Variants in DNAJC1 observed in about 807,000 individuals in gnomAD.
DNAJC1 encodes dnaJ homolog subfamily C member 1.
In DNAJC1, 58 loss-of-function variants were observed where a neutral mutation model predicts 76.6. The observed-to-expected ratio is 0.76, with a 90% CI of 0.61 to 0.94. DNAJC1 has a LOEUF of 0.94. Among genes scored for constraint, DNAJC1 ranks in the 40% least tolerant of loss-of-function variants. The probability of loss-of-function intolerance (pLI) is 0.00; values close to 1 mark genes in which losing one functional copy is unlikely to be tolerated. For synonymous variants in DNAJC1, 258 were observed against 267.9 expected (o/e 0.96, Z 0.36); for missense variants, 689 against 677.3 (o/e 1.02, Z -0.19).
At chr10:21,810,692 C>T (rs1213541882) in intron 8 of DNAJC1, among the ~76,000 whole-genome samples, 2 of 152,092 alleles carry the variant, frequency 1.3e-5, no homozygotes, top group East Asian at 3.9e-4. Flanking sequence ...TATACAAGAC[C>T]TATTTAGAAA....
At chr10:21,787,284 T>A (rs1006044824) in intron 9 of DNAJC1, among the ~76,000 whole-genome samples, 12 of 151,118 alleles carry the variant, frequency 7.9e-5, no homozygotes, top group African/African-American at 2.9e-4. Flanking sequence ...GCAGAGATCA[T>A]GCCATTGCAC....
Position 21,834,389 on chromosome 10 carries a change from G to A in DNAJC1, c.979-28290C>T, listed in dbSNP as rs367872386. Among the ~76,000 whole-genome samples, 8 of 152,240 alleles carry A rather than the reference G, an allele frequency of 5.3e-5. No individual in the cohort carries two copies. In the East Asian group the frequency reaches 7.7e-4, roughly 15 times the overall value. On this transcript the variant is annotated intron_variant, in intron 8 of 11. Coordinates refer to ENST00000376980, the MANE Select transcript of DNAJC1 (RefSeq NM_022365.4). ...ACAGCTCTGGTCTACAGCTACCAGC[G>A]TGAGCAACGCAGAAGATGGGTGATT...
At chr10:21,891,476 C>CAAAAAAAAAAAAAAAA (rs369729722) in intron 7 of DNAJC1, among the ~76,000 whole-genome samples, 265 of 38,188 alleles carry the variant, frequency 6.9e-3, no homozygotes, top group East Asian at 0.013. Context: ...ACAAAGTAGA[C>CAAAAAAAAAAAAAAAA]AAAAAAAAAA....
At chr10:21,959,952 C>T (rs1175804377) in intron 1 of DNAJC1, among the ~76,000 whole-genome samples, 1 of 152,128 alleles carries the variant, frequency 6.6e-6, no homozygotes. Context: ...ATTAATAAGT[C>T]TTGTTGGGTC....
intron 1 of DNAJC1, among the ~76,000 whole-genome samples, chr10:21,997,385 C>T (rs1176194684): frequency 2.0e-5 from 3 of 152,210 alleles, no homozygotes; most frequent in East Asian, 1.9e-4. Flanking sequence ...GCCCTCTCCT[C>T]TACATTCTAG....
At chr10:21,798,393 A>C (rs1009090360) in intron 9 of DNAJC1, among the ~76,000 whole-genome samples, 1 of 152,092 alleles carries the variant, frequency 6.6e-6, no homozygotes, top group African/African-American at 2.4e-5. Context: ...CAAAATTTCC[A>C]CCTTGGCCAA....
intron 9 of DNAJC1, among the ~76,000 whole-genome samples, chr10:21,782,543 T>C (rs1420484118): frequency 1.3e-5 from 2 of 152,146 alleles, no homozygotes; most frequent in Non-Finnish European, 2.9e-5. Context: ...CCTCCCTAAC[T>C]CATTTTATGA....
intron 6 of DNAJC1, among the ~76,000 whole-genome samples, chr10:21,908,202 TATAAA>T (rs1836787480): frequency 1.1e-5 from 1 of 93,442 alleles, no homozygotes; most frequent in African/African-American, 4.6e-5. Flanking sequence ...ATATTATATA[TATAAA>T]ATATATATTA....
chr10:21,941,087 T>C (rs1304359991), intron 1 of DNAJC1, among the ~76,000 whole-genome samples: 1 of 46,596 alleles, frequency 2.1e-5, no homozygotes, highest in African/African-American at 9.1e-5. Flanking sequence ...CCGTCTCTAC[T>C]AAAAATACAA....
intron 8 of DNAJC1, among the ~76,000 whole-genome samples, chr10:21,875,529 G>T (rs1836173173): frequency 6.6e-6 from 1 of 152,194 alleles, no homozygotes; most frequent in Non-Finnish European, 1.5e-5. Flanking sequence ...GATTGGGAAT[G>T]AAACAAGGAT....
chr10:21,799,602 C>G (rs963351580), intron 9 of DNAJC1, among the ~76,000 whole-genome samples: 2 of 151,898 alleles, frequency 1.3e-5, no homozygotes, highest in Non-Finnish European at 2.9e-5. Flanking sequence ...TGCACTTTGC[C>G]TTTTTTTTCT....
At position 21,925,907 on chromosome 10, in the gene DNAJC1, T is replaced by C. The variant is rs1010833846; in HGVS notation, c.371+2599A>G. On this transcript the variant is annotated intron_variant, in intron 3 of 11. Coordinates refer to ENST00000376980, the MANE Select transcript of DNAJC1 (RefSeq NM_022365.4). ...ACTAAAAAGCACTTAACTGTACACT[T>C]AAAACAGGTGACTTTTATTGTATGC... is the stretch of plus-strand genomic sequence containing the variant. Among the ~76,000 whole-genome samples the C allele has an allele frequency of 5.9e-5, 9 of 152,214 alleles. No individual in the cohort carries two copies. The East Asian group carries it at 1.7e-3, about 29-fold the overall frequency.
intron 7 of DNAJC1, among the ~76,000 whole-genome samples, chr10:21,893,007 G>A (rs1836483105): frequency 6.6e-6 from 1 of 152,050 alleles, no homozygotes; most frequent in Non-Finnish European, 1.5e-5. Flanking sequence ...ACTCAACAAT[G>A]CCATCAGCCA....
chr10:21,942,395 C>T (rs1429535149), intron 1 of DNAJC1, among the ~76,000 whole-genome samples: 1 of 152,012 alleles, frequency 6.6e-6, no homozygotes, highest in Non-Finnish European at 1.5e-5. Flanking sequence ...TTTAATATAC[C>T]TTTACCAGAG....
chr10:21,924,541 G>C (rs2131775060), intron 3 of DNAJC1, among the ~76,000 whole-genome samples: 1 of 152,234 alleles, frequency 6.6e-6, no homozygotes, highest in East Asian at 1.9e-4. Flanking sequence ...CTAGTACTCA[G>C]TATTTTACCT....
chr10:21,919,824 G>T lies in DNAJC1; in HGVS notation c.635+8C>A. The T allele has an allele frequency of 6.3e-7, 1 of 1,583,260 alleles. No individual in the cohort carries two copies. Among genetic ancestry groups the T allele is most frequent in the Non-Finnish European group, 8.6e-7 (1 of 1,160,926 alleles). ...TTCAAATTATAAAGTATTTTTATATGCTCTCACCTTTCATTTTTTTCTGAA... is the reference window on the plus strand; with the variant it reads ...TTCAAATTATAAAGTATTTTTATATTCTCTCACCTTTCATTTTTTTCTGAA... On this transcript the variant is annotated splice_region_variant and intron_variant, in intron 5 of 11. Transcript: ENST00000376980.
At chr10:21,791,007 A>G (rs898340911) in intron 9 of DNAJC1, among the ~76,000 whole-genome samples, 3 of 152,200 alleles carry the variant, frequency 2.0e-5, no homozygotes, top group Admixed American at 1.3e-4. Flanking sequence ...ATAAAGACAC[A>G]TACAGACTGA....
At chr10:21,851,821 G>A (rs1241945603) in intron 8 of DNAJC1, among the ~76,000 whole-genome samples, 1 of 152,054 alleles carries the variant, frequency 6.6e-6, no homozygotes, top group African/African-American at 2.4e-5. Context: ...TTGGGAGGCC[G>A]AGACGGGTGG....
intron 1 of DNAJC1, among the ~76,000 whole-genome samples, chr10:21,972,888 T>G (rs1252428867): frequency 6.6e-6 from 1 of 152,064 alleles, no homozygotes; most frequent in Admixed American, 6.6e-5. Context: ...CAATAATATT[T>G]TCCAATAAAA....
Sources: gnomAD v4.1 joint callset for allele counts (sites outside exome capture counted in the v4.1 genomes callset) on GRCh38, gnomAD v4.1.1 for gene constraint, MANE v1.5 for transcripts, NCBI Gene and HGNC (gene_info 2026-07-23, HGNC 2026-07-21) for gene names.